TMEM131L: variants seen among roughly 807,000 people sequenced by gnomAD.
TMEM131L encodes transmembrane 131 like, also known as transmembrane protein 131-like.
In TMEM131L, 54 loss-of-function variants were observed where a neutral mutation model predicts 192.2. The observed-to-expected ratio is 0.28, with a 90% CI of 0.23 to 0.35. The LOEUF is 0.35. Among genes scored for constraint, TMEM131L ranks in the 10% least tolerant of loss-of-function variants. The pLI is 1.00. For synonymous variants in TMEM131L, 701 were observed against 704.9 expected (o/e 0.99, Z 0.09); for missense variants, 1,888 against 1,972.9 (o/e 0.96, Z 0.82).
intron 28 of TMEM131L, among the ~76,000 whole-genome samples, chr4:153,622,349 T>C (rs1477708717): frequency 3.3e-5 from 5 of 151,694 alleles, no homozygotes; most frequent in African/African-American, 4.8e-5. Flanking sequence ...GTGGTGGGGG[T>C]TGCAACCCTC....
intron 3 of TMEM131L, among the ~76,000 whole-genome samples, chr4:153,537,816 C>A (rs1044541146): frequency 3.3e-5 from 5 of 152,200 alleles, no homozygotes; most frequent in Non-Finnish European, 7.3e-5. Flanking sequence ...GATGGAGTTG[C>A]TCTGGTTCAA....
Position 153,476,046 on chromosome 4 carries a change from C to G in TMEM131L, c.239+2158C>G, listed in dbSNP as rs183589980. On this transcript the variant is annotated intron_variant, in intron 3 of 34. Coordinates refer to ENST00000409959, the MANE Select transcript of TMEM131L (RefSeq NM_001131007.2). Reference sequence around the variant, plus strand: ...TGATCTCGGCCTACTGCAACCTCCCCCTCCTGGGTTCAAGTGATTCTCCTG... The same window carrying G: ...TGATCTCGGCCTACTGCAACCTCCCGCTCCTGGGTTCAAGTGATTCTCCTG... 4.6e-5 allele frequency among the ~76,000 whole-genome samples: 7 copies of G among 151,642 alleles called. No homozygotes were observed. The East Asian group carries it at 1.4e-3, about 29-fold the overall frequency.
chr4:153,469,928 A>G (rs528630532), intron 2 of TMEM131L, among the ~76,000 whole-genome samples: 2 of 136,924 alleles, frequency 1.5e-5, no homozygotes, highest in South Asian at 2.6e-4. Flanking sequence ...CTTTGTCTCA[A>G]AAAACAAACA....
chr4:153,585,408 A>G, intron 12 of TMEM131L, 50 bp from the exon 13 acceptor site: 1 of 1,580,088 alleles, frequency 6.3e-7, no homozygotes, highest in African/African-American at 1.4e-5. Flanking sequence ...AAGAGGGCTG[A>G]CTGTTGTCCC....
chr4:153,515,428 T>G (rs1734662712), intron 3 of TMEM131L, among the ~76,000 whole-genome samples: 3 of 152,244 alleles, frequency 2.0e-5, no homozygotes, highest in Non-Finnish European at 4.4e-5. Context: ...ACTTTATTCC[T>G]TTCTGCTGCC....
In TMEM131L at chr4:153,501,297, G is replaced by T. The variant is rs190631132; in HGVS notation, c.239+27409G>T. On this transcript the variant is annotated intron_variant, in intron 3 of 34. Transcript: ENST00000409959. Reference sequence around the variant, plus strand: ...CTTGGCTCACTGCAACCTCTGCCTCGGGTTCAAGCAATTCTGCCTCAGCCT... The same window carrying T: ...CTTGGCTCACTGCAACCTCTGCCTCTGGTTCAAGCAATTCTGCCTCAGCCT... Among the ~76,000 whole-genome samples the T allele has an allele frequency of 1.6e-3, 238 of 149,982 alleles. 4 individuals are homozygous for T. In the East Asian group the frequency reaches 0.04, roughly 25 times the overall value.
At chr4:153,622,752 C>T (rs1380159544) in intron 28 of TMEM131L, 146 bp from the exon 29 acceptor site, 1 of 760,592 alleles carries the variant, frequency 1.3e-6, no homozygotes, top group East Asian at 2.5e-5. Flanking sequence ...CATTAGTTTC[C>T]ATGAACTCCT....
chr4:153,591,576 C>G (rs1731069256), intron 17 of TMEM131L, among the ~76,000 whole-genome samples: 2 of 152,152 alleles, frequency 1.3e-5, no homozygotes, highest in African/African-American at 4.8e-5. Context: ...CCATCCTTAG[C>G]GTGTTGACTT....
Position 153,534,781 on chromosome 4 carries a change from CTG to C in TMEM131L, c.240-15291_240-15290del, listed in dbSNP as rs1736187348. 2.0e-5 allele frequency among the ~76,000 whole-genome samples: 3 copies of C among 152,224 alleles called. No individual in the cohort carries two copies. The South Asian group carries it at 6.2e-4, about 32-fold the overall frequency. Reference sequence around the variant, plus strand: ...ATGAGGGAGTTTGCCATGAGGCTGTCTGGGTGAAGAATGTTCCAGATAGAGAG... The same window carrying C: ...ATGAGGGAGTTTGCCATGAGGCTGTCGGTGAAGAATGTTCCAGATAGAGAG... On this transcript the variant is annotated intron_variant, in intron 3 of 34. Coordinates refer to ENST00000409959, the MANE Select transcript of TMEM131L (RefSeq NM_001131007.2).
At chr4:153,554,986 T>C (rs980843524) in intron 4 of TMEM131L, among the ~76,000 whole-genome samples, 27 of 152,234 alleles carry the variant, frequency 1.8e-4, no homozygotes, top group African/African-American at 6.0e-4. Context: ...TTAGTGTATT[T>C]GCCACGGAGC....
At chr4:153,571,376 T>C (rs908796949) in intron 7 of TMEM131L, among the ~76,000 whole-genome samples, 3 of 152,176 alleles carry the variant, frequency 2.0e-5, no homozygotes, top group Admixed American at 1.3e-4. Context: ...TGTATCTCCA[T>C]TGAAAAATGC....
At chr4:153,575,633 A>G (rs918472556) in intron 7 of TMEM131L, among the ~76,000 whole-genome samples, 2 of 152,212 alleles carry the variant, frequency 1.3e-5, no homozygotes, top group Non-Finnish European at 2.9e-5. Flanking sequence ...ATATGAAATA[A>G]TATGAAATAT....
chr4:153,610,235 A>G (rs991264495), intron 25 of TMEM131L, among the ~76,000 whole-genome samples: 1 of 152,146 alleles, frequency 6.6e-6, no homozygotes, highest in Non-Finnish European at 1.5e-5. Context: ...TTCCCGGGAA[A>G]TAGCATTAGT....
chr4:153,591,821 A>G (rs1731088815), intron 17 of TMEM131L, among the ~76,000 whole-genome samples: 1 of 152,190 alleles, frequency 6.6e-6, no homozygotes, highest in Admixed American at 6.5e-5. Context: ...TTCAACTTAG[A>G]GAAAAGTTTC....
chr4:153,497,583 A>G (rs1440293200), intron 3 of TMEM131L, among the ~76,000 whole-genome samples: 1 of 152,164 alleles, frequency 6.6e-6, no homozygotes, highest in African/African-American at 2.4e-5. Context: ...TTTATGTTAT[A>G]TATTCAGAGA....
At chr4:153,598,290 T>C (rs2150910304) in intron 20 of TMEM131L, among the ~76,000 whole-genome samples, 1 of 152,254 alleles carries the variant, frequency 6.6e-6, no homozygotes, top group Middle Eastern at 3.4e-3. Context: ...TTTCTAGTTA[T>C]TAGAAAAATA....
rs114259831 is a variant in TMEM131L at position 153,603,481 on chromosome 4, C to T, written c.2789+29C>T. 1.8e-3 allele frequency: 2,775 copies of T among 1,584,712 alleles called. 40 individuals are homozygous for T. In the African/African-American group the frequency reaches 0.029, roughly 16 times the overall value. ...AGAATTCTTATAGTGTGGTTGGGAGCGGGGGCGGTTTCTCACTTTTGATAT... is the reference window on the plus strand; with the variant it reads ...AGAATTCTTATAGTGTGGTTGGGAGTGGGGGCGGTTTCTCACTTTTGATAT... On this transcript the variant is annotated intron_variant, in intron 24 of 34. Transcript: ENST00000409959.
At chr4:153,545,171 A>ATT (rs1737075258) in intron 3 of TMEM131L, among the ~76,000 whole-genome samples, 1 of 152,040 alleles carries the variant, frequency 6.6e-6, no homozygotes, top group Non-Finnish European at 1.5e-5. Flanking sequence ...CAGCTTGCTC[A>ATT]TTTTGTTGAA....
intron 7 of TMEM131L, among the ~76,000 whole-genome samples, chr4:153,573,290 G>A (rs1024678999): frequency 3.9e-5 from 6 of 152,248 alleles, no homozygotes; most frequent in African/African-American, 1.4e-4. Context: ...TTAAGTATAA[G>A]CTGTGCCCAT....
Sources: gnomAD v4.1 joint callset for allele counts (sites outside exome capture counted in the v4.1 genomes callset) on GRCh38, gnomAD v4.1.1 for gene constraint, MANE v1.5 for transcripts, NCBI Gene and HGNC (gene_info 2026-07-23, HGNC 2026-07-21) for gene names.